The following PXDNL variants were observed in gnomAD, a reference collection of about 807,000 sequenced individuals.
PXDNL encodes the protein probable oxidoreductase PXDNL.
Under a neutral mutation model 150.8 loss-of-function variants are expected in PXDNL, and 145 were observed. The observed-to-expected ratio is 0.96, with a 90% CI of 0.84 to 1.10. The LOEUF (loss-of-function observed/expected upper bound fraction) is 1.10. PXDNL is among the 50% of genes least tolerant of loss of function. PXDNL has a pLI of 0.00. For missense variants in PXDNL, 2,087 were observed against 1,873.9 expected (o/e 1.11, Z -2.10); for synonymous variants, 757 against 725.7 (o/e 1.04, Z -0.69).
At chr8:51,379,666 A>G (rs1467355074) in intron 17 of PXDNL, among the ~76,000 whole-genome samples, 1 of 152,096 alleles carries the variant, frequency 6.6e-6, no homozygotes, top group African/African-American at 2.4e-5. Context: ...CTTAATCTTA[A>G]GGTCATTTTA....
chr8:51,569,069 T>C (rs1209947337), intron 3 of PXDNL, among the ~76,000 whole-genome samples: 1 of 151,948 alleles, frequency 6.6e-6, no homozygotes, highest in Non-Finnish European at 1.5e-5. Flanking sequence ...TGAGTGAGCA[T>C]TCCAAAATCT....
chr8:51,466,857 A>G (rs1810215392), intron 8 of PXDNL, among the ~76,000 whole-genome samples: 1 of 152,212 alleles, frequency 6.6e-6, no homozygotes, highest in Non-Finnish European at 1.5e-5. Flanking sequence ...GCCATCTAGC[A>G]CCTGCCAGAA....
Position 51,574,445 on chromosome 8 carries a change from A to AT in PXDNL, c.309-17535dup, listed in dbSNP as rs984373410. Among the ~76,000 whole-genome samples, 171 of 151,040 alleles carry AT rather than the reference A, an allele frequency of 1.1e-3. 1 individual carries two copies. Among genetic ancestry groups the AT allele is most frequent in the East Asian group, 7.8e-4 (4 of 5,102 alleles). ...GTGTGACCATAACAAAATATCTGGT[A>AT]TTTTTTTTTCAACACAGTCCTAGGA... On this transcript the variant is annotated intron_variant, in intron 3 of 22. Transcript: ENST00000356297.
chr8:51,599,398 C>T (rs937175755), intron 2 of PXDNL, among the ~76,000 whole-genome samples: 1 of 151,390 alleles, frequency 6.6e-6, no homozygotes, highest in Non-Finnish European at 1.5e-5. Context: ...CTTAACATTG[C>T]TTTTGTTTTG....
chr8:51,799,828 A>G (rs1351088461), intron 1 of PXDNL, among the ~76,000 whole-genome samples: 2 of 152,176 alleles, frequency 1.3e-5, no homozygotes, highest in African/African-American at 2.4e-5. Flanking sequence ...AGAGAGATGG[A>G]GATCTTTGTA....
At chr8:51,605,535 T>C (rs530927507) in intron 2 of PXDNL, among the ~76,000 whole-genome samples, 21 of 152,192 alleles carry the variant, frequency 1.4e-4, no homozygotes, top group Admixed American at 2.0e-4. Context: ...CAAGGCTATG[T>C]TTAATATCAA....
intron 19 of PXDNL, among the ~76,000 whole-genome samples, chr8:51,354,279 C>T (rs1452003554): frequency 2.7e-4 from 41 of 152,056 alleles, no homozygotes. Context: ...TATCATCATG[C>T]TTATGCTAAG....
chr8:51,402,569 G>A (rs1365071358), intron 17 of PXDNL, among the ~76,000 whole-genome samples: 5 of 152,100 alleles, frequency 3.3e-5, no homozygotes, highest in Non-Finnish European at 4.4e-5. Flanking sequence ...CTGTGATTAT[G>A]AGTGACAAAT....
At chr8:51,654,515 T>G (rs889117376) in intron 2 of PXDNL, among the ~76,000 whole-genome samples, 174 bp downstream of exon 2, 27 of 144,740 alleles carry the variant, frequency 1.9e-4, no homozygotes, top group African/African-American at 7.2e-4. Context: ...GTTCAAAAGG[T>G]TATAAAAACA....
At chr8:51,441,131 G>A (rs1232449592) in intron 12 of PXDNL, among the ~76,000 whole-genome samples, 4 of 152,108 alleles carry the variant, frequency 2.6e-5, no homozygotes, top group Admixed American at 6.5e-5. Context: ...GAGTTCTCAC[G>A]AGATCTGATG....
At chr8:51,413,335 CATTTTTAAATGT>C (rs1302962558) in intron 14 of PXDNL, 77 bp from the exon 15 acceptor site, 3 of 815,318 alleles carry the variant, frequency 3.7e-6, no homozygotes, top group Non-Finnish European at 6.1e-6. Context: ...AATGGCATTA[CATTTTTAAATGT>C]AATGCCATTA....
At chr8:51,744,078 G>A (rs57925404) in intron 1 of PXDNL, among the ~76,000 whole-genome samples, 1 of 83,230 alleles carries the variant, frequency 1.2e-5, no homozygotes, top group African/African-American at 5.6e-5. Context: ...AGGAAGGAAG[G>A]AAGGAAGGAA....
intron 1 of PXDNL, among the ~76,000 whole-genome samples, chr8:51,804,785 T>G (rs369761673): frequency 6.6e-6 from 1 of 151,738 alleles, no homozygotes; most frequent in African/African-American, 2.4e-5. Flanking sequence ...GTACAGGCTG[T>G]TGTAGGATAT....
At chr8:51,392,365 C>A (rs1420924987) in intron 17 of PXDNL, among the ~76,000 whole-genome samples, 1 of 152,158 alleles carries the variant, frequency 6.6e-6, no homozygotes, top group African/African-American at 2.4e-5. Flanking sequence ...TTCTTCCTAT[C>A]CATGAGCATG....
At chr8:51,571,552 T>C (rs1168688376) in intron 3 of PXDNL, among the ~76,000 whole-genome samples, 2 of 151,852 alleles carry the variant, frequency 1.3e-5, no homozygotes, top group Non-Finnish European at 2.9e-5. Context: ...GAAAATGGAT[T>C]ATACATAATC....
chr8:51,667,341 G>T (rs1445883539), intron 1 of PXDNL, among the ~76,000 whole-genome samples: 1 of 152,160 alleles, frequency 6.6e-6, no homozygotes, highest in Non-Finnish European at 1.5e-5. Flanking sequence ...ACTCCTTGCA[G>T]TTCCAACAAA....
At chr8:51,761,218 G>C (rs2037163575) in intron 1 of PXDNL, among the ~76,000 whole-genome samples, 1 of 151,856 alleles carries the variant, frequency 6.6e-6, no homozygotes, top group Non-Finnish European at 1.5e-5. Context: ...TGAATGAGAG[G>C]CATTACTTGA....
intron 4 of PXDNL, among the ~76,000 whole-genome samples, chr8:51,509,118 T>C (rs2915500): frequency 6.6e-6 from 1 of 151,868 alleles, no homozygotes; most frequent in Non-Finnish European, 1.5e-5. Context: ...GTTGAGATAG[T>C]AGATTTTAGA....
At chr8:51,485,176 T>C (rs1039276847) in intron 5 of PXDNL, among the ~76,000 whole-genome samples, 1 of 152,062 alleles carries the variant, frequency 6.6e-6, no homozygotes, top group African/African-American at 2.4e-5. Context: ...TCAGGGGGAG[T>C]GAGCTGGGGC....
Sources: gnomAD v4.1 joint callset for allele counts (sites outside exome capture counted in the v4.1 genomes callset) on GRCh38, gnomAD v4.1.1 for gene constraint, MANE v1.5 for transcripts, NCBI Gene and HGNC (gene_info 2026-07-23, HGNC 2026-07-21) for gene names.